Variants in SEPSECS observed in about 807,000 individuals in gnomAD.
SEPSECS encodes the protein O-phosphoseryl-tRNA(Sec) selenium transferase.
In SEPSECS, 42 loss-of-function variants were observed where a neutral mutation model predicts 52.1. The observed-to-expected ratio is 0.81, with a 90% CI of 0.63 to 1.04. The LOEUF (loss-of-function observed/expected upper bound fraction) is 1.04. SEPSECS is among the 50% of genes least tolerant of loss of function. The pLI is 0.00. For missense variants in SEPSECS, 590 were observed against 610.6 expected, an observed-to-expected ratio of 0.97 and a Z score of 0.36; for synonymous variants, 216 against 211.4, an observed-to-expected ratio of 1.02 and a Z score of -0.19.
intron 6 of SEPSECS, among the ~76,000 whole-genome samples, chr4:25,151,483 G>A (rs12506518): frequency 8.2e-4 from 124 of 152,054 alleles, no homozygotes; most frequent in African/African-American, 2.9e-3. Context: ...TTCAAAATTA[G>A]AACCTAAAAC....
At chr4:25,137,085 A>C (rs931065113) in intron 8 of SEPSECS, among the ~76,000 whole-genome samples, 4 of 152,172 alleles carry the variant, frequency 2.6e-5, no homozygotes, top group African/African-American at 9.7e-5. Flanking sequence ...TAAAGACTTA[A>C]ATGTAAACCC....
intron 8 of SEPSECS, among the ~76,000 whole-genome samples, chr4:25,130,849 T>C (rs1728579139): frequency 6.6e-6 from 1 of 152,184 alleles, no homozygotes; most frequent in Non-Finnish European, 1.5e-5. Context: ...TACTATTTTT[T>C]GCTACAGTTA....
chr4:25,140,830 C>G (rs1729032183), intron 8 of SEPSECS, among the ~76,000 whole-genome samples: 2 of 151,812 alleles, frequency 1.3e-5, no homozygotes, highest in Non-Finnish European at 2.9e-5. Context: ...CTATGCTAAT[C>G]ACTCCCTCCT....
intron 8 of SEPSECS, among the ~76,000 whole-genome samples, chr4:25,138,873 C>T (rs1404158169): frequency 6.6e-6 from 1 of 152,016 alleles, no homozygotes; most frequent in Non-Finnish European, 1.5e-5. Context: ...CTGAATCTAC[C>T]CTAAAGGAAA....
At position 25,157,024 on chromosome 4, in the gene SEPSECS, G is replaced by C. The variant is rs1560336974; in HGVS notation, c.270-50C>G. 3 of 948,506 alleles carry C rather than the reference G, an allele frequency of 3.2e-6. No homozygotes were observed. In the South Asian group the frequency reaches 3.9e-5, roughly 12 times the overall value. The allele number at this position is 948,506 out of a possible 1,614,324, so 58.8% of individuals were successfully genotyped here. A position where few individuals can be genotyped will look rare whatever the true frequency, so the allele number is the denominator to read the frequency against. ...TGGACAAATACATTCAGCATTCCGA[G>C]TAATACAATGTACAAATATGCAAAT... On this transcript the variant is annotated intron_variant, in intron 2 of 10. Coordinates refer to ENST00000382103, the MANE Select transcript of SEPSECS (RefSeq NM_016955.4).
intron 8 of SEPSECS, among the ~76,000 whole-genome samples, chr4:25,133,873 G>A (rs1274041890): frequency 6.6e-6 from 1 of 151,936 alleles, no homozygotes; most frequent in Non-Finnish European, 1.5e-5. Flanking sequence ...CAGCACTCTG[G>A]GAGGCTGAGG....
rs541479117 is a variant in SEPSECS, at chr4:25,123,991, T to C, written c.1446A>G (p.Glu482=). ...NYDKTEDVDI[E]EMALKLDNVL... ...CATTATCTAGTTTTAAAGCCATTTCTTCAATATCCACATCTTCAGTTTTGT... is the reference window on the plus strand; with the variant it reads ...CATTATCTAGTTTTAAAGCCATTTCCTCAATATCCACATCTTCAGTTTTGT... Residue 482 remains glutamate (E), a synonymous_variant, in exon 11 of 11, where the codon GAA becomes GAG. Coordinates refer to ENST00000382103, the MANE Select transcript of SEPSECS (RefSeq NM_016955.4). 14 of 1,613,654 alleles carry C rather than the reference T, an allele frequency of 8.7e-6. No homozygotes were observed. In the Admixed American group the frequency reaches 1.0e-4, roughly 12 times the overall value.
chr4:25,158,938 C>T lies in SEPSECS; in HGVS notation c.269+15G>A. 1 of 1,612,416 alleles carries T rather than the reference C, an allele frequency of 6.2e-7. No homozygotes were observed. Among genetic ancestry groups the T allele is most frequent in the Non-Finnish European group, 8.5e-7 (1 of 1,178,476 alleles). ...AATAAACGATGTATCTCCTGTACTA[C>T]TTAAAAAAAGATACCTGTAATGACG... On this transcript the variant is annotated intron_variant, in intron 2 of 10. Coordinates refer to ENST00000382103, the MANE Select transcript of SEPSECS (RefSeq NM_016955.4).
upstream of SEPSECS, chr4:25,160,542 G>T: frequency 1.8e-6 from 1 of 548,460 alleles, no homozygotes; most frequent in East Asian, 3.1e-5. Flanking sequence ...CACATGCGCA[G>T]ACCTTCTCAG....
In SEPSECS at chr4:25,125,711, T is replaced by C. The variant is rs756494054; in HGVS notation, c.1194A>G (p.Arg398=). 1.2e-6 allele frequency: 2 copies of C among 1,611,984 alleles called. No homozygotes were observed. The highest frequency in any genetic ancestry group is 1.7e-6 in the Non-Finnish European group (2 of 1,178,478). Reference sequence around the variant, plus strand: ...ATACTTACCTGGCTCCAGAAACCTGTCTGGTAAAAAGCATCGAGCCAAGCT... The same window carrying C: ...ATACTTACCTGGCTCCAGAAACCTGCCTGGTAAAAAGCATCGAGCCAAGCT... ...VTQLGSMLFT[R]QVSGARVVPL... Residue 398 remains arginine (R), a synonymous_variant, in exon 10 of 11, where the codon AGA becomes AGG. Coordinates refer to ENST00000382103, the MANE Select transcript of SEPSECS (RefSeq NM_016955.4).
At chr4:25,142,534 G>A (rs1218856530) in intron 8 of SEPSECS, among the ~76,000 whole-genome samples, 2 of 152,106 alleles carry the variant, frequency 1.3e-5, no homozygotes, top group Non-Finnish European at 2.9e-5. Context: ...ATATCTATAT[G>A]CCTGACACAT....
intron 4 of SEPSECS, 53 bp from the exon 5 acceptor site, chr4:25,155,204 G>A: frequency 1.3e-6 from 2 of 1,585,642 alleles, no homozygotes; most frequent in East Asian, 2.2e-5. Flanking sequence ...AATAAGGGAA[G>A]ATCCTGAAAC....
chr4:25,144,908 G>T (rs1425345536), intron 7 of SEPSECS, 43 bp from the exon 8 acceptor site: 3 of 1,589,448 alleles, frequency 1.9e-6, no homozygotes, highest in East Asian at 2.2e-5. Flanking sequence ...GTGGTGGGGG[G>T]GTAGCTTTGG....
chr4:25,160,098 G>A (rs924135956), intron 1 of SEPSECS, 158 bp downstream of exon 1: 1 of 985,326 alleles, frequency 1.0e-6, no homozygotes, highest in Non-Finnish European at 1.2e-6. Flanking sequence ...AGAAGGCACA[G>A]ACCGCAGTCG....
chr4:25,142,925 A>T (rs572072332), intron 8 of SEPSECS, among the ~76,000 whole-genome samples: 2 of 152,352 alleles, frequency 1.3e-5, no homozygotes, highest in South Asian at 4.1e-4. Context: ...TGTCTTTCAC[A>T]AATGGGGAAA....
intron 1 of SEPSECS, chr4:25,159,365 G>C (rs1712901570): frequency 2.2e-6 from 1 of 462,944 alleles, no homozygotes; most frequent in Non-Finnish European, 3.8e-6. Context: ...ATTTCCGTAA[G>C]TGAAACTAAC....
chr4:25,150,670 A>G (rs1049539478), intron 6 of SEPSECS, among the ~76,000 whole-genome samples: 5 of 152,216 alleles, frequency 3.3e-5, no homozygotes, highest in African/African-American at 1.2e-4. Flanking sequence ...ATAGCATCTT[A>G]AAATCAATGA....
At chr4:25,128,500 A>T (rs1338126872) in intron 8 of SEPSECS, among the ~76,000 whole-genome samples, 2 of 152,152 alleles carry the variant, frequency 1.3e-5, no homozygotes, top group African/African-American at 4.8e-5. Flanking sequence ...AAATTGTCCC[A>T]CTCTGAAAAA....
intron 2 of SEPSECS, among the ~76,000 whole-genome samples, chr4:25,157,575 C>T (rs1226882700): frequency 1.4e-5 from 2 of 147,492 alleles, no homozygotes; most frequent in Non-Finnish European, 3.0e-5. Context: ...GACGGAGTCT[C>T]GCTCTGTCGC....
Sources: gnomAD v4.1 joint callset for allele counts (sites outside exome capture counted in the v4.1 genomes callset) on GRCh38, gnomAD v4.1.1 for gene constraint, MANE v1.5 for transcripts, NCBI Gene and HGNC (gene_info 2026-07-23, HGNC 2026-07-21) for gene names.